The following ATRNL1 variants were observed in gnomAD, a reference collection of about 807,000 sequenced individuals.
ATRNL1 encodes the protein attractin-like protein 1.
A neutral mutation model predicts 182.7 loss-of-function variants in ATRNL1; 95 were observed. That is an observed-to-expected ratio of 0.52 (90% CI 0.44 to 0.62). The LOEUF (loss-of-function observed/expected upper bound fraction) is 0.62, where lower values mean the gene tolerates loss of function less well. Ranked by LOEUF, ATRNL1 falls within the 20% of genes least tolerant of loss-of-function variation. The probability of loss-of-function intolerance (pLI) is 0.00; values close to 1 mark genes in which losing one functional copy is unlikely to be tolerated. For synonymous variants in ATRNL1, 576 were observed against 568.3 expected (o/e 1.01, Z -0.19); for missense variants, 1,471 against 1,679.5 (o/e 0.88, Z 2.17).
intron 10 of ATRNL1, among the ~76,000 whole-genome samples, chr10:115,260,440 C>G (rs1366729971): frequency 6.6e-6 from 1 of 152,174 alleles, no homozygotes; most frequent in Non-Finnish European, 1.5e-5. Flanking sequence ...TTGGAGGTCT[C>G]TAACTGAAAT....
chr10:115,155,056 G>T (rs990389585), intron 5 of ATRNL1, among the ~76,000 whole-genome samples: 3 of 152,010 alleles, frequency 2.0e-5, no homozygotes, highest in African/African-American at 7.2e-5. Context: ...ATTATAAAAT[G>T]ACCTTCTTTG....
At chr10:115,124,355 A>G (rs1218555797) in intron 3 of ATRNL1, among the ~76,000 whole-genome samples, 1 of 152,176 alleles carries the variant, frequency 6.6e-6, no homozygotes, top group Non-Finnish European at 1.5e-5. Context: ...TGAAGGATAG[A>G]AATCAGAGCC....
chr10:115,853,022 A>T (rs1419789241), intron 28 of ATRNL1, among the ~76,000 whole-genome samples: 4 of 152,294 alleles, frequency 2.6e-5, no homozygotes, highest in Admixed American at 2.6e-4. Flanking sequence ...ACCATGGGCA[A>T]GTCTTTCAGT....
At chr10:115,309,467 T>A (rs1853907587) in intron 17 of ATRNL1, among the ~76,000 whole-genome samples, 1 of 152,168 alleles carries the variant, frequency 6.6e-6, no homozygotes, top group African/African-American at 2.4e-5. Flanking sequence ...TGTTTTGTAG[T>A]TCTCCTTGTA....
At chr10:115,592,193 C>T (rs1251803052) in intron 26 of ATRNL1, among the ~76,000 whole-genome samples, 2 of 152,038 alleles carry the variant, frequency 1.3e-5, no homozygotes, top group Non-Finnish European at 2.9e-5. Flanking sequence ...GATGGAGAGG[C>T]AGGATTTGAA....
intron 20 of ATRNL1, among the ~76,000 whole-genome samples, chr10:115,397,376 A>G (rs1313431726): frequency 1.3e-5 from 2 of 151,966 alleles, no homozygotes; most frequent in Non-Finnish European, 2.9e-5. Flanking sequence ...TTAGTCAGAT[A>G]TCATATCTTA....
intron 10 of ATRNL1, among the ~76,000 whole-genome samples, chr10:115,256,210 T>A (rs1165028540): frequency 2.0e-5 from 3 of 152,216 alleles, no homozygotes; most frequent in Non-Finnish European, 4.4e-5. Flanking sequence ...TCAGAAGGAA[T>A]GGTACCAGCT....
rs1160539450 is a variant in ATRNL1 at position 115,729,918 on chromosome 10, C to A, written c.3903+2563C>A. Among the ~76,000 whole-genome samples, 4 of 151,794 alleles carry A rather than the reference C, an allele frequency of 2.6e-5. No individual in the cohort carries two copies. In the East Asian group the frequency reaches 5.8e-4, roughly 22 times the overall value. ...TATCTAGTTGTTTGCTCATGCATTT[C>A]TTTTATTTTTCACTAAGATTACCTC... On this transcript the variant is annotated intron_variant, in intron 27 of 28. Transcript: ENST00000355044.
chr10:115,578,155 G>T (rs540849149), intron 26 of ATRNL1, among the ~76,000 whole-genome samples: 4 of 151,674 alleles, frequency 2.6e-5, no homozygotes, highest in Admixed American at 6.6e-5. Flanking sequence ...TTTAGTTTGC[G>T]AGTTTTTTGT....
At chr10:115,908,796 C>T (rs1377980807) in intron 28 of ATRNL1, among the ~76,000 whole-genome samples, 2 of 152,166 alleles carry the variant, frequency 1.3e-5, no homozygotes, top group East Asian at 3.9e-4. Context: ...CCCTAATGCA[C>T]CTTACATTCT....
chr10:115,547,052 G>A (rs1241939820), intron 25 of ATRNL1, among the ~76,000 whole-genome samples: 4 of 151,804 alleles, frequency 2.6e-5, no homozygotes, highest in African/African-American at 4.8e-5. Context: ...TCATGAGTTC[G>A]AGTGCAGCCT....
intron 5 of ATRNL1, among the ~76,000 whole-genome samples, chr10:115,159,279 A>G (rs1313944351): frequency 6.6e-6 from 1 of 151,590 alleles, no homozygotes; most frequent in Non-Finnish European, 1.5e-5. Context: ...TGTGAGCCCT[A>G]AAGTTTGATG....
At chr10:115,403,721 G>C (rs1844691736) in intron 20 of ATRNL1, among the ~76,000 whole-genome samples, 1 of 152,072 alleles carries the variant, frequency 6.6e-6, no homozygotes, top group African/African-American at 2.4e-5. Flanking sequence ...CAAAGTCCTG[G>C]GATTACAGGC....
At chr10:115,912,686 T>TA (rs879962527) in intron 28 of ATRNL1, among the ~76,000 whole-genome samples, 313 of 145,804 alleles carry the variant, frequency 2.1e-3, no homozygotes, top group African/African-American at 4.4e-3. Context: ...AGATGAATGG[T>TA]AAAAAAAAAA....
intron 20 of ATRNL1, among the ~76,000 whole-genome samples, chr10:115,405,465 G>A (rs1554957976): frequency 6.6e-6 from 1 of 152,176 alleles, no homozygotes; most frequent in African/African-American, 2.4e-5. Context: ...ATATTTCAGT[G>A]TAATCTCTTT....
rs575414712 is a variant in ATRNL1 at position 115,631,051 on chromosome 10, C to T, written c.3795+81515C>T. ...ATAGAAGAAAGTAGGACTATGCTTA[C>T]CAGGGGTGGGGAGGGGGGTGTGTAC... is the stretch of plus-strand genomic sequence containing the variant. On this transcript the variant is annotated intron_variant, in intron 26 of 28. Transcript: ENST00000355044. 2.6e-5 allele frequency among the ~76,000 whole-genome samples: 4 copies of T among 151,462 alleles called. No individual in the cohort carries two copies. In the East Asian group the frequency reaches 7.7e-4, roughly 29 times the overall value.
At chr10:115,801,084 C>A (rs1555084260) in intron 27 of ATRNL1, among the ~76,000 whole-genome samples, 1 of 152,212 alleles carries the variant, frequency 6.6e-6, no homozygotes, top group African/African-American at 2.4e-5. Flanking sequence ...TGCACCTAAA[C>A]ACAGGCTTGC....
intron 24 of ATRNL1, among the ~76,000 whole-genome samples, chr10:115,492,638 A>G (rs148355356): frequency 0.032 from 4,364 of 135,690 alleles, 190 homozygotes; most frequent in East Asian, 0.14. Context: ...CATTTTTACT[A>G]AAGTGATTTT....
At chr10:115,148,208 G>A (rs1846055897) in intron 5 of ATRNL1, among the ~76,000 whole-genome samples, 1 of 151,772 alleles carries the variant, frequency 6.6e-6, no homozygotes, top group African/African-American at 2.4e-5. Flanking sequence ...TTTTTTTGTA[G>A]CTATTGTATT....
Sources: gnomAD v4.1 joint callset for allele counts (sites outside exome capture counted in the v4.1 genomes callset) on GRCh38, gnomAD v4.1.1 for gene constraint, MANE v1.5 for transcripts, NCBI Gene and HGNC (gene_info 2026-07-23, HGNC 2026-07-21) for gene names.